XKR5: variants seen among roughly 807,000 people sequenced by gnomAD.
XKR5 encodes the protein XK-related protein 5.
XKR5 carries 46 observed loss-of-function variants against 40.8 expected under a neutral mutation model. That is an observed-to-expected ratio of 1.13 (90% confidence interval 0.89 to 1.44). The LOEUF (loss-of-function observed/expected upper bound fraction) is 1.44, where lower values mean the gene tolerates loss of function less well. Ranked by LOEUF, XKR5 falls within the 40% of genes most tolerant of loss-of-function variation. The probability of loss-of-function intolerance (pLI) is 0.00; values close to 1 mark genes in which losing one functional copy is unlikely to be tolerated. For missense variants in XKR5, 1,169 were observed against 844.7 expected, an observed-to-expected ratio of 1.38 and a Z score of -4.76; for synonymous variants, 466 against 356.1, an observed-to-expected ratio of 1.31 and a Z score of -3.48.
chr8:6,828,077 A>G (rs962694830), intron 2 of XKR5, among the ~76,000 whole-genome samples: 2 of 152,178 alleles, frequency 1.3e-5, no homozygotes, highest in Non-Finnish European at 2.9e-5. Flanking sequence ...CGTGAAAAAA[A>G]AGAAAAGGGG....
chr8:6,808,673 A>C lies in XKR5; in HGVS notation c.*2525T>G, dbSNP rs940873142. 1 of 152,222 alleles carries C rather than the reference A, an allele frequency of 6.6e-6. No individual in the cohort carries two copies. Among genetic ancestry groups the C allele is most frequent in the Admixed American group, 6.5e-5 (1 of 15,288 alleles). 9.4% of individuals were successfully genotyped at this position (152,222 alleles called of 1,614,324 possible). ...GTCCACAGGGCCTCGAACAGCAAGT[A>C]CATGCCTTGATTTCTGCATACTCAG... On this transcript the variant is annotated 3_prime_UTR_variant, in exon 7 of 7. Transcript: ENST00000618742.
rs1438317841 is a variant in XKR5 at position 6,811,323 on chromosome 8, C to T, written c.1936G>A (p.Val646Met). The T allele has an allele frequency of 1.3e-6, 2 of 1,537,346 alleles. No individual in the cohort carries two copies. The highest frequency in any genetic ancestry group is 2.7e-5 in the African/African-American group (2 of 73,172). ...LSHHAAVGVW[V>M]SLPQLRTAHE... The stretch of plus-strand genomic sequence containing the variant: ...GCAGTCCTCAGCTGTGGCAATGACA[C>T]CCACACACCAACAGCTGCATGGTGA... Residue 646 changes from valine to methionine, a missense_variant, in exon 7 of 7, where the codon GTG becomes ATG. Transcript: ENST00000618742.
intron 6 of XKR5, among the ~76,000 whole-genome samples, chr8:6,815,338 T>C (rs1193918210): frequency 1.3e-5 from 2 of 152,170 alleles, no homozygotes; most frequent in Non-Finnish European, 2.9e-5. Flanking sequence ...GGCTTGAATC[T>C]CAGCTCTATC....
At position 6,812,227 on chromosome 8, in the gene XKR5, T is replaced by C. The variant is rs1261902561; in HGVS notation, c.1032A>G (p.Arg344=). Reference sequence around the variant, plus strand: ...GATCTGTGGCCCGGGGAGAATCTCTTCTCTCTGTTTTATCACCTCCTGCAA... The same window carrying C: ...GATCTGTGGCCCGGGGAGAATCTCTCCTCTCTGTTTTATCACCTCCTGCAA... ...CGIAGGDKTE[R]RDSPRATDLA... Residue 344 remains arginine (R), a synonymous_variant, in exon 7 of 7, where the codon AGA becomes AGG. Coordinates refer to ENST00000618742, the MANE Select transcript of XKR5 (RefSeq NM_207411.5). The C allele has an allele frequency of 9.0e-6, 14 of 1,552,124 alleles. No individual in the cohort carries two copies. Among genetic ancestry groups the C allele is most frequent in the Non-Finnish European group, 3.5e-6 (4 of 1,147,098 alleles).
At chr8:6,824,039 C>G (rs1268759254) in intron 3 of XKR5, among the ~76,000 whole-genome samples, 2 of 152,190 alleles carry the variant, frequency 1.3e-5, no homozygotes, top group African/African-American at 2.4e-5. Context: ...AGAAAAACGT[C>G]CCAGCTCCTG....
intron 5 of XKR5, 126 bp from the exon 6 acceptor site, chr8:6,816,044 G>T: frequency 1.5e-6 from 1 of 665,086 alleles, no homozygotes; most frequent in Non-Finnish European, 2.6e-6. Flanking sequence ...ACTCCAGGCT[G>T]CTGAGGAGTA....
At chr8:6,822,844 A>T (rs11137070) in intron 4 of XKR5, among the ~76,000 whole-genome samples, 51,551 of 152,106 alleles carry the variant, frequency 0.34, 9,234 homozygotes, top group East Asian at 0.63. Context: ...GAGCTGTCCT[A>T]TTTGCAACAG....
At chr8:6,832,653 G>C (rs1012635975) in intron 2 of XKR5, 64 bp downstream of exon 2, 5 of 1,587,400 alleles carry the variant, frequency 3.1e-6, no homozygotes. Context: ...CACATGGAGA[G>C]AAGATTCCTC....
intron 6 of XKR5, 97 bp from the exon 7 acceptor site, chr8:6,812,436 A>G: frequency 2.6e-5 from 34 of 1,307,356 alleles, no homozygotes; most frequent in Non-Finnish European, 3.3e-5. Context: ...TGTGTAGAGG[A>G]AGATAATTTG....
chr8:6,832,162 C>A (rs962978176), intron 2 of XKR5, among the ~76,000 whole-genome samples: 2 of 152,034 alleles, frequency 1.3e-5, no homozygotes, highest in African/African-American at 4.8e-5. Context: ...AGAAAAAAAT[C>A]AGCCCTCACC....
chr8:6,817,460 C>G (rs899735761), intron 5 of XKR5, among the ~76,000 whole-genome samples: 1 of 152,086 alleles, frequency 6.6e-6, no homozygotes, highest in Non-Finnish European at 1.5e-5. Context: ...TCAACCCTGG[C>G]CAACGAGAAC....
At chr8:6,829,867 T>A (rs1216371936) in intron 2 of XKR5, among the ~76,000 whole-genome samples, 1 of 119,370 alleles carries the variant, frequency 8.4e-6, no homozygotes, top group Non-Finnish European at 1.6e-5. Flanking sequence ...AGACGGAGTC[T>A]CGCTCTGTCA....
chr8:6,814,330 C>T (rs768074659), intron 6 of XKR5, among the ~76,000 whole-genome samples: 2 of 152,148 alleles, frequency 1.3e-5, no homozygotes, highest in African/African-American at 2.4e-5. Flanking sequence ...AGGAGCAACC[C>T]GGGAGGCTCT....
chr8:6,822,105 G>A (rs1247963670), intron 4 of XKR5, 67 bp from the exon 5 acceptor site: 1 of 1,478,418 alleles, frequency 6.8e-7, no homozygotes, highest in Non-Finnish European at 9.0e-7. Context: ...CAAGGACACA[G>A]AGACCAGGGG....
intron 6 of XKR5, 75 bp downstream of exon 6, chr8:6,815,732 C>G (rs1002057684): frequency 5.8e-6 from 6 of 1,027,312 alleles, no homozygotes; most frequent in Admixed American, 2.2e-5. Context: ...CAGTTTCCTA[C>G]CCTTTGAGCC....
At position 6,825,336 on chromosome 8, in the gene XKR5, C is replaced by A. The variant is rs780113782; in HGVS notation, c.256G>T (p.Ala86Ser). ...LGVWKRHWDAALTSLQKELEA... is the reference protein window; with the variant it reads ...LGVWKRHWDASLTSLQKELEA... ...AGTTCCTTCTGCAGACTGGTCAGTG[C>A]AGCGTCCCAGTGCCTAGGGAACAGC... Residue 86 changes from alanine (A) to serine (S), a missense_variant, in exon 3 of 7, where the codon GCA (alanine) becomes TCA (serine). Coordinates refer to ENST00000618742, the MANE Select transcript of XKR5 (RefSeq NM_207411.5). 6.4e-7 allele frequency: 1 copy of A among 1,573,378 alleles called. No homozygotes were observed. The highest frequency in any genetic ancestry group is 1.2e-5 in the South Asian group (1 of 86,190).
chr8:6,817,165 C>T (rs1048014538), intron 5 of XKR5, among the ~76,000 whole-genome samples: 2 of 152,184 alleles, frequency 1.3e-5, no homozygotes, highest in East Asian at 1.9e-4. Flanking sequence ...TCTTCATTCT[C>T]TCTCTGAAAT....
intron 5 of XKR5, among the ~76,000 whole-genome samples, chr8:6,821,101 C>G (rs138973804): frequency 6.6e-6 from 1 of 152,182 alleles, no homozygotes; most frequent in Admixed American, 6.5e-5. Flanking sequence ...TAGGTTCAGA[C>G]AGTTTAAATT....
In XKR5 at chr8:6,811,338, C is replaced by T; in HGVS notation, c.1921G>A (p.Ala641Thr). Residue 641 changes from alanine to threonine, a missense_variant, in exon 7 of 7, where the codon GCT (alanine) becomes ACT (threonine). Coordinates refer to ENST00000618742, the MANE Select transcript of XKR5 (RefSeq NM_207411.5). ...GGCAATGACACCCACACACCAACAGCTGCATGGTGACTTAGCTCCCTTTTG... is the reference window on the plus strand; with the variant it reads ...GGCAATGACACCCACACACCAACAGTTGCATGGTGACTTAGCTCCCTTTTG... ...EPKRELSHHA[A>T]VGVWVSLPQL... The T allele has an allele frequency of 1.3e-6, 2 of 1,537,382 alleles. No homozygotes were observed. The highest frequency in any genetic ancestry group is 8.7e-7 in the Non-Finnish European group (1 of 1,146,938).
Sources: allele counts gnomAD v4.1 joint callset (sites outside exome capture counted in the v4.1 genomes callset), GRCh38; gene constraint gnomAD v4.1.1; transcripts MANE v1.5; gene names NCBI Gene and HGNC (gene_info 2026-07-23, HGNC 2026-07-21).